DMD: variants seen among roughly 807,000 people sequenced by gnomAD.
DMD encodes the protein mutant dystrophin.
In DMD, 63 loss-of-function variants were observed where a neutral mutation model predicts 330.1. The observed-to-expected ratio is 0.19, with a 90% CI of 0.16 to 0.24. DMD has a LOEUF of 0.24. Ranked by LOEUF, DMD falls within the 10% of genes least tolerant of loss-of-function variation. DMD has a pLI of 1.00. For synonymous variants in DMD, 1,223 were observed against 959.8 expected (o/e 1.27, Z -5.07); for missense variants, 3,344 against 2,684.1 (o/e 1.25, Z -5.43).
intron 43 of DMD, among the ~76,000 whole-genome samples, chrX:32,256,456 T>A (rs1480510153): frequency 9.0e-6 from 1 of 111,109 alleles, no homozygotes; most frequent in African/African-American, 3.3e-5. Flanking sequence ...TGGTCCTGAC[T>A]CTTTATCCAA....
At chrX:32,044,265 T>G (rs942940511) in intron 44 of DMD, among the ~76,000 whole-genome samples, 1 of 110,551 alleles carries the variant, frequency 9.0e-6, no homozygotes, top group Non-Finnish European at 1.9e-5. Flanking sequence ...TTGTGGCTCA[T>G]GAGAAGTTTA....
At chrX:31,380,209 T>C (rs755331458) in intron 60 of DMD, among the ~76,000 whole-genome samples, 1 of 110,937 alleles carries the variant, frequency 9.0e-6, no homozygotes, top group South Asian at 3.9e-4. Context: ...ACTTAGACGA[T>C]ACTCTTTTAA....
intron 13 of DMD, among the ~76,000 whole-genome samples, chrX:32,587,034 C>A (rs1354197339): frequency 9.0e-6 from 1 of 111,059 alleles, no homozygotes; most frequent in African/African-American, 3.3e-5. Context: ...ATGTTTCAAC[C>A]ATATTCCTCT....
chrX:31,923,467 G>A (rs753041048), intron 47 of DMD, among the ~76,000 whole-genome samples: 28 of 110,877 alleles, frequency 2.5e-4, no homozygotes, highest in South Asian at 7.5e-4. Flanking sequence ...CAGCTTTGCT[G>A]TAATTATTAA....
chrX:32,420,982 C>T (rs144880006), intron 29 of DMD, among the ~76,000 whole-genome samples: 5 of 111,450 alleles, frequency 4.5e-5, no homozygotes, highest in African/African-American at 1.6e-4. Flanking sequence ...TGGATTTTGC[C>T]GGCCTCTGTG....
intron 74 of DMD, among the ~76,000 whole-genome samples, chrX:31,165,266 G>T (rs2039293869): frequency 8.9e-6 from 1 of 112,042 alleles, no homozygotes; most frequent in South Asian, 3.8e-4. Flanking sequence ...AAAGGAAAAA[G>T]AGAAAACTCA....
chrX:32,082,331 C>T (rs929548203), intron 44 of DMD, among the ~76,000 whole-genome samples: 49 of 111,255 alleles, frequency 4.4e-4, no homozygotes, highest in Non-Finnish European at 3.4e-4. Context: ...TGGGCTCAAA[C>T]GATTCTCCCA....
chrX:31,460,447 T>C (rs1183984101), intron 59 of DMD, among the ~76,000 whole-genome samples: 1 of 112,436 alleles, frequency 8.9e-6, no homozygotes, highest in Non-Finnish European at 1.9e-5. Flanking sequence ...TTTAATATCC[T>C]AGATTCAGAA....
At chrX:32,376,325 C>A (rs780816517) in intron 34 of DMD, among the ~76,000 whole-genome samples, 1 of 111,558 alleles carries the variant, frequency 9.0e-6, no homozygotes, top group South Asian at 3.8e-4. Flanking sequence ...TATTTGGTTT[C>A]CCTACAAGTT....
intron 64 of DMD, among the ~76,000 whole-genome samples, chrX:31,213,496 T>C (rs1220631033): frequency 8.9e-6 from 1 of 112,158 alleles, no homozygotes; most frequent in Non-Finnish European, 1.9e-5. Flanking sequence ...CAAGGTGTTC[T>C]GTGCTCACAT....
intron 44 of DMD, among the ~76,000 whole-genome samples, chrX:32,005,539 A>T (rs2095655546): frequency 9.0e-6 from 1 of 111,005 alleles, no homozygotes; most frequent in Non-Finnish European, 1.9e-5. Context: ...AAATGTGAAG[A>T]AATGTTGATG....
chrX:32,338,328 T>C (rs1163600512), intron 41 of DMD, among the ~76,000 whole-genome samples: 1 of 111,323 alleles, frequency 9.0e-6, no homozygotes, highest in Non-Finnish European at 1.9e-5. Flanking sequence ...AAATTTACAT[T>C]TATTCCATTT....
At chrX:33,048,518 C>T (rs1284604118) in intron 1 of DMD, among the ~76,000 whole-genome samples, 2 of 108,102 alleles carry the variant, frequency 1.9e-5, no homozygotes, top group Non-Finnish European at 3.8e-5. Flanking sequence ...GGTGAAATCC[C>T]GTCTCTACTA....
intron 1 of DMD, among the ~76,000 whole-genome samples, chrX:33,170,902 G>A (rs749756289): frequency 1.4e-4 from 16 of 111,619 alleles, no homozygotes; most frequent in Admixed American, 7.6e-4. Flanking sequence ...ATGTCCCATT[G>A]ATCCAGCACC....
At chrX:32,819,210 T>C (rs2078018446) in intron 5 of DMD, among the ~76,000 whole-genome samples, 2 of 110,853 alleles carry the variant, frequency 1.8e-5, no homozygotes, top group East Asian at 2.9e-4. Flanking sequence ...AGAACTGTCT[T>C]GCACAGAAGT....
At chrX:32,553,221 G>T (rs191784734) in intron 16 of DMD, among the ~76,000 whole-genome samples, 73 of 111,976 alleles carry the variant, frequency 6.5e-4, no homozygotes, top group African/African-American at 2.2e-3. Flanking sequence ...ATACACTGTG[G>T]AATTCTATGC....
intron 7 of DMD, among the ~76,000 whole-genome samples, chrX:32,783,074 T>TAC (rs1321276826): frequency 9.8e-6 from 1 of 102,451 alleles, no homozygotes; most frequent in Non-Finnish European, 2.0e-5. Flanking sequence ...GGTGTATATA[T>TAC]ACACACACAT....
intron 77 of DMD, among the ~76,000 whole-genome samples, chrX:31,128,062 G>C (rs1303336496): frequency 8.9e-6 from 1 of 111,771 alleles, no homozygotes; most frequent in Non-Finnish European, 1.9e-5. Flanking sequence ...CATACCAAAT[G>C]ATGTTCCCAT....
intron 1 of DMD, among the ~76,000 whole-genome samples, chrX:33,094,576 G>A (rs2095130151): frequency 9.0e-6 from 1 of 111,620 alleles, no homozygotes. Flanking sequence ...GGAGTCCATG[G>A]CAGGTGGATC....
Sources: allele counts gnomAD v4.1 joint callset (sites outside exome capture counted in the v4.1 genomes callset), GRCh38; gene constraint gnomAD v4.1.1; transcripts MANE v1.5; gene names NCBI Gene and HGNC (gene_info 2026-07-23, HGNC 2026-07-21).